NDST3: variants seen among roughly 807,000 people sequenced by gnomAD.
The protein encoded by NDST3 is bifunctional heparan sulfate N-deacetylase/N-sulfotransferase 3.
A neutral mutation model predicts 96.1 loss-of-function variants in NDST3; 58 were observed. That is an observed-to-expected ratio of 0.60 (90% confidence interval 0.49 to 0.75). The LOEUF (loss-of-function observed/expected upper bound fraction) is 0.75, where lower values mean the gene tolerates loss of function less well. NDST3 is among the 30% of genes least tolerant of loss of function. The pLI, the probability that NDST3 is intolerant of heterozygous loss-of-function variation, is 0.00. For synonymous variants in NDST3, 333 were observed against 359.7 expected, an observed-to-expected ratio of 0.93 and a Z score of 0.84; for missense variants, 788 against 1,034.2, an observed-to-expected ratio of 0.76 and a Z score of 3.27.
At chr4:118,246,753 A>G (rs188031363) in intron 12 of NDST3, among the ~76,000 whole-genome samples, 224 of 152,326 alleles carry the variant, frequency 1.5e-3, no homozygotes, top group African/African-American at 5.2e-3. Flanking sequence ...AGCAGCGGAA[A>G]TGCCAGATGC....
At chr4:118,066,406 T>TATATCATATGTTATATATTATATATCAA (rs1726477022) in intron 2 of NDST3, among the ~76,000 whole-genome samples, 1 of 86,072 alleles carries the variant, frequency 1.2e-5, no homozygotes, top group East Asian at 3.1e-4. Flanking sequence ...TTATATATCA[T>TATATCATATGTTATATATTATATATCAA]ATATCATATG....
intron 4 of NDST3, among the ~76,000 whole-genome samples, chr4:118,136,512 G>A (rs1387330958): frequency 6.6e-6 from 1 of 152,180 alleles, no homozygotes; most frequent in Non-Finnish European, 1.5e-5. Context: ...AAAAAGCAAT[G>A]AGATATTTCA....
At chr4:118,136,334 T>C (rs1733090297) in intron 4 of NDST3, among the ~76,000 whole-genome samples, 1 of 152,228 alleles carries the variant, frequency 6.6e-6, no homozygotes, top group African/African-American at 2.4e-5. Context: ...GTTGTTAACC[T>C]ATAATTCATT....
intron 1 of NDST3, among the ~76,000 whole-genome samples, chr4:118,049,794 G>C (rs1220330406): frequency 6.6e-6 from 1 of 151,054 alleles, no homozygotes; most frequent in African/African-American, 2.4e-5. Context: ...CAGCCGAATT[G>C]TACCAGACAT....
chr4:118,191,933 C>A (rs982680736), intron 6 of NDST3, among the ~76,000 whole-genome samples: 2 of 152,120 alleles, frequency 1.3e-5, no homozygotes, highest in African/African-American at 4.8e-5. Flanking sequence ...TTCTCCAATT[C>A]CTCACCAGCA....
In NDST3 at chr4:118,187,027, T is replaced by C. The variant is rs567562453; in HGVS notation, c.1540-37464T>C. ...ATAATACCAAGAGTTTGGAGTATGC[T>C]TTTTAGCCAGAGTCCCCATGAACCA... On this transcript the variant is annotated intron_variant, in intron 6 of 13. Coordinates refer to ENST00000296499, the MANE Select transcript of NDST3 (RefSeq NM_004784.3). Among the ~76,000 whole-genome samples the C allele has an allele frequency of 8.1e-4, 123 of 152,302 alleles. 1 individual carries two copies. The highest frequency in any genetic ancestry group is 3.4e-3 in the Middle Eastern group (1 of 294).
chr4:118,147,833 A>T (rs1460459554), intron 6 of NDST3, among the ~76,000 whole-genome samples: 11 of 152,172 alleles, frequency 7.2e-5, no homozygotes, highest in Admixed American at 7.2e-4. Flanking sequence ...TCTTATCTCT[A>T]ATCACAAGAT....
chr4:118,061,385 T>C (rs1725882693), intron 2 of NDST3, among the ~76,000 whole-genome samples: 1 of 152,184 alleles, frequency 6.6e-6, no homozygotes, highest in Admixed American at 6.6e-5. Context: ...GTTCTGGCAC[T>C]TATGATCACC....
chr4:118,118,537 T>A (rs1309320164), intron 4 of NDST3, among the ~76,000 whole-genome samples: 2 of 152,218 alleles, frequency 1.3e-5, no homozygotes, highest in Non-Finnish European at 2.9e-5. Context: ...TGGACACATC[T>A]GACTCACAAA....
chr4:118,062,719 T>C (rs1337927303), intron 2 of NDST3, among the ~76,000 whole-genome samples: 2 of 152,158 alleles, frequency 1.3e-5, no homozygotes, highest in Non-Finnish European at 2.9e-5. Context: ...TTTTAATATA[T>C]TGTATTAAAT....
At chr4:118,255,535 G>C in intron 13 of NDST3, 58 bp from the exon 14 acceptor site, 1 of 1,503,502 alleles carries the variant, frequency 6.7e-7, no homozygotes, top group South Asian at 1.3e-5. Flanking sequence ...CGTAGTCAAA[G>C]TGTATGAAAT....
intron 6 of NDST3, among the ~76,000 whole-genome samples, chr4:118,223,235 C>T (rs1208425310): frequency 6.6e-6 from 1 of 151,810 alleles, no homozygotes; most frequent in Non-Finnish European, 1.5e-5. Context: ...TCTCAATCAC[C>T]TAATGTTCTG....
chr4:118,249,689 TAA>T (rs1741535120), intron 12 of NDST3, among the ~76,000 whole-genome samples: 1 of 151,742 alleles, frequency 6.6e-6, no homozygotes, highest in Non-Finnish European at 1.5e-5. Context: ...GCTAGAGTTA[TAA>T]ATTCTACAAG....
intron 2 of NDST3, among the ~76,000 whole-genome samples, chr4:118,088,691 A>G (rs897213863): frequency 6.6e-6 from 1 of 151,874 alleles, no homozygotes; most frequent in Admixed American, 6.6e-5. Flanking sequence ...TACCAATAAG[A>G]CTCGTTTTCA....
chr4:118,112,981 T>C (rs957518513), intron 3 of NDST3, among the ~76,000 whole-genome samples: 18 of 151,982 alleles, frequency 1.2e-4, no homozygotes, highest in African/African-American at 3.9e-4. Flanking sequence ...TCTCCTTTCA[T>C]GTAGTATTAT....
At chr4:118,098,266 G>C (rs1260798050) in intron 2 of NDST3, among the ~76,000 whole-genome samples, 1 of 151,774 alleles carries the variant, frequency 6.6e-6, no homozygotes, top group Non-Finnish European at 1.5e-5. Context: ...TTAAAATTAT[G>C]TTTATAGTAA....
intron 6 of NDST3, among the ~76,000 whole-genome samples, chr4:118,148,074 A>G (rs2125911989): frequency 2.0e-5 from 3 of 152,300 alleles, no homozygotes; most frequent in Admixed American, 2.0e-4. Context: ...CAAGGTGGGC[A>G]GATCATGAGG....
chr4:118,162,023 C>T (rs549166711), intron 6 of NDST3, among the ~76,000 whole-genome samples: 1 of 152,264 alleles, frequency 6.6e-6, no homozygotes, highest in Admixed American at 6.5e-5. Flanking sequence ...GGGTAAAATA[C>T]CTAGGAACCC....
Position 118,255,857 on chromosome 4 carries a change from AT to A in NDST3, c.*147del. The A allele has an allele frequency of 1.0e-6, 1 of 968,364 alleles. No homozygotes were observed. The highest frequency in any genetic ancestry group is 1.4e-6 in the Non-Finnish European group (1 of 690,904). 60.0% of individuals were successfully genotyped at this position (968,364 alleles called of 1,614,324 possible). The stretch of plus-strand genomic sequence containing the variant: ...TCTTCCATGTGCTGGCACGTGGATG[AT>A]TAGAAAAAAAGAAAAAGTATGTGTT... On this transcript the variant is annotated 3_prime_UTR_variant, in exon 14 of 14. Transcript: ENST00000296499.
Sources: allele counts gnomAD v4.1 joint callset (sites outside exome capture counted in the v4.1 genomes callset), GRCh38; gene constraint gnomAD v4.1.1; transcripts MANE v1.5; gene names NCBI Gene and HGNC (gene_info 2026-07-23, HGNC 2026-07-21).